Variants in CUL3 observed in about 807,000 individuals in gnomAD.
The protein encoded by CUL3 is cullin 3.
In CUL3, 19 loss-of-function variants were observed where a neutral mutation model predicts 89.1. The ratio of observed to expected loss-of-function variants is 0.21; its 90% CI spans 0.15 to 0.31. CUL3 has a LOEUF of 0.31. CUL3 is among the 10% of genes least tolerant of loss of function. The pLI, the probability that CUL3 is intolerant of heterozygous loss-of-function variation, is 1.00. For synonymous variants in CUL3, 351 were observed against 308.4 expected (o/e 1.14, Z -1.45); for missense variants, 469 against 942.3 (o/e 0.50, Z 6.58).
intron 1 of CUL3, among the ~76,000 whole-genome samples, chr2:224,572,585 T>A (rs1390719156): frequency 7.1e-6 from 1 of 141,342 alleles, no homozygotes; most frequent in Admixed American, 7.5e-5. Context: ...TGGCTACAGT[T>A]AGCCAAGATC....
intron 9 of CUL3, 132 bp from the exon 10 acceptor site, chr2:224,503,204 C>T (rs535121526): frequency 1.5e-6 from 1 of 685,584 alleles, no homozygotes. Flanking sequence ...AACAGTTGCT[C>T]TGTGCCTGTG....
At chr2:224,581,392 T>C (rs557190233) in intron 1 of CUL3, among the ~76,000 whole-genome samples, 20 of 141,512 alleles carry the variant, frequency 1.4e-4, no homozygotes, top group African/African-American at 5.3e-4. Flanking sequence ...CGAGTTTCCA[T>C]CTCAAAAAAA....
In CUL3 at chr2:224,472,236, A is replaced by G. The variant is rs1235028275; in HGVS notation, c.*2009T>C. 1 of 221,032 alleles carries G rather than the reference A, an allele frequency of 4.5e-6. No homozygotes were observed. The highest frequency in any genetic ancestry group is 2.2e-5 in the African/African-American group (1 of 44,702). 13.7% of individuals were successfully genotyped at this position (221,032 alleles called of 1,614,324 possible). On this transcript the variant is annotated 3_prime_UTR_variant, in exon 16 of 16. Transcript: ENST00000264414. ...CTCTAGATCTGATTTTTACAGCCAC[A>G]CTTGAGACAATGACGTAAACTTAAA...
chr2:224,581,613 G>A (rs893306596), intron 1 of CUL3, among the ~76,000 whole-genome samples: 2 of 146,822 alleles, frequency 1.4e-5, no homozygotes, highest in African/African-American at 5.0e-5. Context: ...AGTGATTCTC[G>A]TGCCTTAGCC....
intron 3 of CUL3, among the ~76,000 whole-genome samples, chr2:224,519,242 G>A (rs558245947): frequency 8.0e-4 from 122 of 152,310 alleles, no homozygotes; most frequent in Non-Finnish European, 1.3e-3. Flanking sequence ...TATATAAGGT[G>A]TATATAAAAC....
chr2:224,567,457 C>T (rs1363686069), intron 1 of CUL3, among the ~76,000 whole-genome samples: 3 of 151,958 alleles, frequency 2.0e-5, no homozygotes, highest in Non-Finnish European at 2.9e-5. Flanking sequence ...TTCTAGGCTT[C>T]GGCCGGGCAC....
chr2:224,499,368 C>G (rs1039123610), intron 11 of CUL3: 2 of 235,330 alleles, frequency 8.5e-6, no homozygotes, highest in African/African-American at 4.6e-5. Context: ...AAGACAATTA[C>G]TAGAATCATT....
intron 3 of CUL3, among the ~76,000 whole-genome samples, chr2:224,532,345 G>C (rs116002946): frequency 9.3e-4 from 142 of 151,906 alleles, no homozygotes; most frequent in African/African-American, 3.3e-3. Context: ...GAGGAGGAGA[G>C]GCTAAGAAAC....
intron 1 of CUL3, among the ~76,000 whole-genome samples, chr2:224,569,240 AAAAT>A (rs535845526): frequency 4.3e-4 from 66 of 152,326 alleles, no homozygotes; most frequent in African/African-American, 1.5e-3. Context: ...GCAAAACAAT[AAAAT>A]AAACTGCACA....
chr2:224,538,862 G>C (rs112853325), intron 2 of CUL3, among the ~76,000 whole-genome samples: 100 of 152,240 alleles, frequency 6.6e-4, no homozygotes, highest in African/African-American at 2.4e-3. Flanking sequence ...AGAGTCACCC[G>C]AAGAGCTTTT....
chr2:224,514,372 C>T (rs1316523892), intron 4 of CUL3, among the ~76,000 whole-genome samples: 4 of 151,964 alleles, frequency 2.6e-5, no homozygotes, highest in African/African-American at 7.3e-5. Context: ...CCAAAAGTGA[C>T]GGCTAGCTGA....
At chr2:224,539,098 C>CA (rs1223346504) in intron 2 of CUL3, among the ~76,000 whole-genome samples, 1 of 152,048 alleles carries the variant, frequency 6.6e-6, no homozygotes, top group East Asian at 1.9e-4. Context: ...AACTATTATC[C>CA]AAAATATATA....
intron 1 of CUL3, among the ~76,000 whole-genome samples, chr2:224,576,256 G>C (rs999350964): frequency 5.3e-5 from 8 of 152,198 alleles, no homozygotes; most frequent in African/African-American, 1.7e-4. Flanking sequence ...GACAGGAAGG[G>C]ATGAGATGCG....
intron 3 of CUL3, among the ~76,000 whole-genome samples, chr2:224,526,585 C>CAAAAAAAAAAAAAAAAAAAA (rs1166152595): frequency 7.6e-5 from 2 of 26,166 alleles, no homozygotes; most frequent in Admixed American, 4.5e-4. Flanking sequence ...GACTCCGTCT[C>CAAAAAAAAAAAAAAAAAAAA]AAAAAAAAAA....
intron 11 of CUL3, chr2:224,499,424 G>A (rs1026271506): frequency 1.7e-5 from 4 of 240,340 alleles, no homozygotes; most frequent in East Asian, 2.0e-4. Context: ...CAATTTCAAA[G>A]AGGTCGTGAC....
intron 13 of CUL3, among the ~76,000 whole-genome samples, chr2:224,489,627 T>C (rs575071972): frequency 1.3e-3 from 203 of 152,296 alleles, no homozygotes; most frequent in South Asian, 2.3e-3. Flanking sequence ...GAAGAATCAA[T>C]ATTGTGAAAA....
At chr2:224,533,544 A>G (rs1693771867) in intron 3 of CUL3, among the ~76,000 whole-genome samples, 1 of 152,220 alleles carries the variant, frequency 6.6e-6, no homozygotes, top group Non-Finnish European at 1.5e-5. Context: ...CTGCGTGTGT[A>G]TAAAATTTTA....
intron 13 of CUL3, chr2:224,495,105 T>C (rs1300602573): frequency 6.8e-6 from 1 of 147,996 alleles, no homozygotes. Context: ...TATTAACACA[T>C]AAAAGATGCT....
chr2:224,524,696 C>T (rs1471903668), intron 3 of CUL3, among the ~76,000 whole-genome samples: 2 of 152,098 alleles, frequency 1.3e-5, no homozygotes, highest in African/African-American at 4.8e-5. Flanking sequence ...ATTAAATTTA[C>T]TTTGGAGGAA....
Sources: gnomAD v4.1 joint callset for allele counts (sites outside exome capture counted in the v4.1 genomes callset) on GRCh38, gnomAD v4.1.1 for gene constraint, MANE v1.5 for transcripts, NCBI Gene and HGNC (gene_info 2026-07-23, HGNC 2026-07-21) for gene names.